LEMD1: variants seen among roughly 807,000 people sequenced by gnomAD.
LEMD1 encodes the protein LEM domain-containing protein 1.
Under a neutral mutation model 17.4 loss-of-function variants are expected in LEMD1, and 18 were observed. That is an observed-to-expected ratio of 1.04 (90% CI 0.72 to 1.54). LEMD1 has a LOEUF of 1.54. Ranked by LOEUF, LEMD1 falls within the 40% of genes most tolerant of loss-of-function variation. LEMD1 has a pLI of 0.00. For missense variants in LEMD1, 195 were observed against 210.4 expected (o/e 0.93, Z 0.45); for synonymous variants, 88 against 77.8 (o/e 1.13, Z -0.69).
chr1:205,401,865 G>A (rs1042749439), intron 4 of LEMD1, among the ~76,000 whole-genome samples: 4 of 152,084 alleles, frequency 2.6e-5, no homozygotes, highest in African/African-American at 4.8e-5. Context: ...AATCCATCTT[G>A]AATTAATTTT....
intron 1 of LEMD1, among the ~76,000 whole-genome samples, chr1:205,445,186 C>T (rs1309721399): frequency 1.3e-5 from 2 of 152,074 alleles, no homozygotes; most frequent in Admixed American, 1.3e-4. Context: ...TCCCCACCTC[C>T]TCCCTCTCCC....
rs186208163 is a variant in LEMD1 at position 205,411,982 on chromosome 1, A to T, written c.270+4250T>A. ...CTCTGAAGATGGGACACAGATATAAACACTTCCAACCTTGGAACCGCTCCC... is the reference window on the plus strand; with the variant it reads ...CTCTGAAGATGGGACACAGATATAATCACTTCCAACCTTGGAACCGCTCCC... On this transcript the variant is annotated intron_variant, in intron 4 of 5. Coordinates refer to ENST00000367153, the MANE Select transcript of LEMD1 (RefSeq NM_001199050.2). Among the ~76,000 whole-genome samples the T allele has an allele frequency of 3.2e-4, 49 of 152,218 alleles. 1 individual carries two copies. The highest frequency in any genetic ancestry group is 1.1e-3 in the African/African-American group (46 of 41,536).
chr1:205,411,224 AAG>A (rs1574979893), intron 4 of LEMD1, among the ~76,000 whole-genome samples: 6 of 148,122 alleles, frequency 4.1e-5, no homozygotes, highest in Admixed American at 3.3e-4. Flanking sequence ...GAAAGGAAGG[AAG>A]GAGGGAGGGA....
intron 4 of LEMD1, among the ~76,000 whole-genome samples, chr1:205,402,279 T>TA (rs937026893): frequency 2.9e-4 from 44 of 152,338 alleles, no homozygotes; most frequent in Admixed American, 5.2e-4. Context: ...ATTGAATCTA[T>TA]AAATTACCTT....
chr1:205,391,156 GA>G (rs1015515798), intron 4 of LEMD1, among the ~76,000 whole-genome samples: 6 of 150,250 alleles, frequency 4.0e-5, no homozygotes, highest in East Asian at 1.9e-4. Context: ...CAGCTCAGAA[GA>G]AAAAAAAATG....
chr1:205,400,225 C>T (rs1664777930), intron 4 of LEMD1, among the ~76,000 whole-genome samples: 1 of 152,156 alleles, frequency 6.6e-6, no homozygotes, highest in Non-Finnish European at 1.5e-5. Context: ...CCATGCCCAG[C>T]TAATTTTTAT....
chr1:205,412,727 T>A (rs1489603515), intron 4 of LEMD1, among the ~76,000 whole-genome samples: 2 of 152,202 alleles, frequency 1.3e-5, no homozygotes, highest in African/African-American at 2.4e-5. Context: ...AGAATGAAAA[T>A]GGCTTATATA....
upstream of LEMD1, among the ~76,000 whole-genome samples, chr1:205,425,245 C>A (rs758873948): frequency 1.1e-4 from 16 of 152,182 alleles, no homozygotes; most frequent in Non-Finnish European, 1.9e-4. Context: ...AATCCATAAC[C>A]CTCTTCTATT....
At chr1:205,411,654 G>A (rs1035799210) in intron 4 of LEMD1, among the ~76,000 whole-genome samples, 3 of 33,728 alleles carry the variant, frequency 8.9e-5, no homozygotes, top group African/African-American at 2.2e-4. Context: ...AGAAAGAAAG[G>A]AAAGAAAGAA....
intron 1 of LEMD1, 77 bp from the exon 2 acceptor site, chr1:205,420,651 G>T: frequency 1.3e-6 from 1 of 796,282 alleles, no homozygotes; most frequent in Non-Finnish European, 2.1e-6. Context: ...CCACATAAGT[G>T]TTTATAATCC....
At chr1:205,391,024 A>AT (rs1664305013) in intron 4 of LEMD1, among the ~76,000 whole-genome samples, 1 of 150,126 alleles carries the variant, frequency 6.7e-6, no homozygotes, top group Admixed American at 6.7e-5. Flanking sequence ...ATACCTGTGT[A>AT]ATACCTGTGT....
chr1:205,419,117 C>T, intron 3 of LEMD1, 113 bp downstream of exon 3: 2 of 1,251,182 alleles, frequency 1.6e-6, no homozygotes. Context: ...CAAAGAGGCC[C>T]TATGGCTATT....
rs1450401072 is a variant in LEMD1, at chr1:205,439,690, G to C, written c.-39+10178C>G. ...GTCCCTGGGGAGCTAGAGGGGGTCT[G>C]ACTTTGCTCCTTGGCTGAGCTGCTC... On this transcript the variant is annotated intron_variant, in intron 1 of 3. Coordinates refer to the LEMD1 transcript ENST00000367154. Among the ~76,000 whole-genome samples, 3 of 152,320 alleles carry C rather than the reference G, an allele frequency of 2.0e-5. No homozygotes were observed. In the South Asian group the frequency reaches 6.2e-4, roughly 32 times the overall value.
intron 1 of LEMD1, among the ~76,000 whole-genome samples, chr1:205,443,543 C>T (rs1666332310): frequency 6.6e-6 from 1 of 152,112 alleles, no homozygotes; most frequent in Non-Finnish European, 1.5e-5. Flanking sequence ...GGGGCTGTAG[C>T]CTGGCTCCCG....
At chr1:205,439,353 G>A (rs1666256805) in intron 1 of LEMD1, among the ~76,000 whole-genome samples, 1 of 152,204 alleles carries the variant, frequency 6.6e-6, no homozygotes, top group Non-Finnish European at 1.5e-5. Context: ...GCAAAGGAAG[G>A]GGTTGGAGGA....
At chr1:205,431,630 T>C (rs1483063447) in intron 1 of LEMD1, among the ~76,000 whole-genome samples, 2 of 152,188 alleles carry the variant, frequency 1.3e-5, no homozygotes, top group African/African-American at 4.8e-5. Context: ...GAAACTGAGG[T>C]CCAGACAAAG....
intron 4 of LEMD1, among the ~76,000 whole-genome samples, chr1:205,398,510 A>C (rs1288922935): frequency 6.6e-6 from 1 of 152,236 alleles, no homozygotes; most frequent in Non-Finnish European, 1.5e-5. Context: ...AAAGACATTG[A>C]AATACACTTA....
At chr1:205,445,723 C>T (rs374936743) in intron 1 of LEMD1, among the ~76,000 whole-genome samples, 1 of 152,306 alleles carries the variant, frequency 6.6e-6, no homozygotes, top group East Asian at 1.9e-4. Context: ...CAGCCTGGCT[C>T]GGCAGAGGCT....
upstream of LEMD1, among the ~76,000 whole-genome samples, chr1:205,424,359 G>C (rs1666029391): frequency 6.6e-6 from 1 of 152,170 alleles, no homozygotes; most frequent in African/African-American, 2.4e-5. Flanking sequence ...GGAGAAGTTT[G>C]GGTTTCAGTG....
Sources: gnomAD v4.1 joint callset for allele counts (sites outside exome capture counted in the v4.1 genomes callset) on GRCh38, gnomAD v4.1.1 for gene constraint, MANE v1.5 for transcripts, NCBI Gene and HGNC (gene_info 2026-07-23, HGNC 2026-07-21) for gene names.